C13orf46: variants seen among roughly 807,000 people sequenced by gnomAD.
The protein encoded by C13orf46 is uncharacterized protein C13orf46.
chr13:113,951,710 C>T (rs2052489354), downstream of C13orf46, among the ~76,000 whole-genome samples: 1 of 152,248 alleles, frequency 6.6e-6, no homozygotes, highest in Non-Finnish European at 1.5e-5. Flanking sequence ...TAGTCACTCA[C>T]AGGCGTCGCC....
At chr13:113,931,463 A>G in the C13orf46 span, among the ~76,000 whole-genome samples, 638 of 152,300 alleles carry the variant, frequency 4.2e-3, 10 homozygotes, top group East Asian at 0.049. Flanking sequence ...AGCAGACGCC[A>G]AGTGGAAGGG....
At chr13:113,950,288 G>A (rs1309530524), downstream of C13orf46, among the ~76,000 whole-genome samples, 20 of 127,792 alleles carry the variant, frequency 1.6e-4, no homozygotes, top group Non-Finnish European at 3.2e-4. Flanking sequence ...CCCATCTGTA[G>A]AGTGGGGTCA....
the C13orf46 span, among the ~76,000 whole-genome samples, chr13:113,935,025 C>G: frequency 1.4e-4 from 22 of 152,262 alleles, no homozygotes; most frequent in Admixed American, 1.1e-3. Context: ...TCCATTCCCA[C>G]TGGCTCAAAG....
the C13orf46 span, among the ~76,000 whole-genome samples, chr13:113,937,238 C>T: frequency 1.1e-4 from 17 of 152,118 alleles, no homozygotes; most frequent in Admixed American, 2.0e-4. Flanking sequence ...ATCCCCGGTC[C>T]GAGGCTACAG....
the C13orf46 span, among the ~76,000 whole-genome samples, chr13:113,929,997 T>G: frequency 2.0e-5 from 3 of 152,176 alleles, no homozygotes; most frequent in East Asian, 3.9e-4. Context: ...GTGGACAAAA[T>G]GTTGGGCCAG....
downstream of C13orf46, among the ~76,000 whole-genome samples, chr13:113,952,313 C>T (rs1366125156): frequency 2.9e-5 from 4 of 136,052 alleles, no homozygotes; most frequent in Non-Finnish European, 5.1e-5. Flanking sequence ...GTGTGGCCAC[C>T]CCTCCGCCTG....
chr13:113,966,092 AATGATGGTGATGATGATGATGGTG>A (rs2052642503), intron 5 of C13orf46, among the ~76,000 whole-genome samples: 1 of 95,384 alleles, frequency 1.0e-5, no homozygotes, highest in Admixed American at 1.0e-4. Context: ...TGATGGTATT[AATGATGGTGATGATGATGATGGTG>A]ATGATGGTGA....
At chr13:113,947,166 C>T in the C13orf46 span, among the ~76,000 whole-genome samples, 4 of 152,212 alleles carry the variant, frequency 2.6e-5, no homozygotes, top group Non-Finnish European at 4.4e-5. Context: ...ATCAGAGCTG[C>T]GTGCTTGGAG....
At chr13:113,972,620 C>T (rs914683605) in intron 1 of C13orf46, among the ~76,000 whole-genome samples, 2 of 152,172 alleles carry the variant, frequency 1.3e-5, no homozygotes, top group South Asian at 2.1e-4. Context: ...ACCGTCCGTT[C>T]GGCACACCTG....
chr13:113,940,618 CG>C, the C13orf46 span, among the ~76,000 whole-genome samples: 1 of 10,096 alleles, frequency 9.9e-5, no homozygotes, highest in African/African-American at 5.2e-4. Context: ...GCTGAGCGTT[CG>C]AGATCCTGGT....
chr13:113,933,642 T>C, the C13orf46 span, among the ~76,000 whole-genome samples: 9 of 152,310 alleles, frequency 5.9e-5, no homozygotes, highest in Admixed American at 3.3e-4. Flanking sequence ...TTAGGCCTTT[T>C]TTCATTCCTC....
the C13orf46 span, among the ~76,000 whole-genome samples, chr13:113,934,175 T>G: frequency 2.0e-5 from 3 of 152,194 alleles, no homozygotes; most frequent in Non-Finnish European, 4.4e-5. Context: ...AGAGTCTGTT[T>G]CTCTCCGTTG....
At position 113,955,548 on chromosome 13, in the gene C13orf46, G is replaced by A. The variant is rs1314276923; in HGVS notation, c.*1225C>T. Reference sequence around the variant, plus strand: ...ATCTGGCGGAGACGAGGAGCATCTCGTGGAGAGGAGGAGCATCTCGTGGAG... The same window carrying A: ...ATCTGGCGGAGACGAGGAGCATCTCATGGAGAGGAGGAGCATCTCGTGGAG... On this transcript the variant is annotated 3_prime_UTR_variant, in exon 7 of 7. Coordinates refer to ENST00000636427, the MANE Select transcript of C13orf46 (RefSeq NM_001365455.2). The A allele has an allele frequency of 6.0e-5, 2 of 33,300 alleles. No individual in the cohort carries two copies. Among genetic ancestry groups the A allele is most frequent in the Non-Finnish European group, 9.4e-5 (1 of 10,678 alleles). The allele number at this position is 33,300 out of a possible 1,614,324, so 2.1% of individuals were successfully genotyped here. A position where few individuals can be genotyped will look rare whatever the true frequency, so the allele number is the denominator to read the frequency against.
chr13:113,958,073 G>C (rs1225313970), intron 6 of C13orf46, among the ~76,000 whole-genome samples: 3 of 135,190 alleles, frequency 2.2e-5, no homozygotes, highest in East Asian at 4.7e-4. Flanking sequence ...GGTCTCCCCT[G>C]CACTCTGTAT....
the C13orf46 span, among the ~76,000 whole-genome samples, chr13:113,948,118 G>C: frequency 6.6e-6 from 1 of 152,228 alleles, no homozygotes; most frequent in Non-Finnish European, 1.5e-5. Context: ...AAACCTGCCT[G>C]AGCACACATT....
At chr13:113,946,844 G>A in the C13orf46 span, among the ~76,000 whole-genome samples, 1 of 152,270 alleles carries the variant, frequency 6.6e-6, no homozygotes, top group African/African-American at 2.4e-5. Flanking sequence ...TCACAGTTGG[G>A]GAACAGCAAA....
At chr13:113,943,812 G>T in the C13orf46 span, among the ~76,000 whole-genome samples, 38 of 152,194 alleles carry the variant, frequency 2.5e-4, no homozygotes, top group African/African-American at 8.7e-4. Context: ...GCCAGGGCTG[G>T]TGGGAGCCCT....
At chr13:113,969,280 T>C (rs2138993065) in intron 2 of C13orf46, among the ~76,000 whole-genome samples, 1 of 152,374 alleles carries the variant, frequency 6.6e-6, no homozygotes, top group East Asian at 1.9e-4. Context: ...TCCGCCACCA[T>C]CTGCAATGGC....
rs546255908 is a variant in C13orf46 at position 113,973,834 on chromosome 13, C to T, written c.164G>A (p.Arg55His). The change falls in exon 1 of 7, where the codon CGC (arginine) becomes CAC (histidine). Residue 55 changes from arginine (R) to histidine (H), a missense_variant. Physicochemically the swap from Arg to His is conservative, Grantham distance 29. Transcript: ENST00000636427. ...GLQPEGDPPS[R>H]PRKPHKELES... ...CAGCTCCTTGTGAGGCTTCCTAGGG[C>T]GGCTGGGAGGGTCCCCCTCGGGCTG... 9 of 152,446 alleles carry T rather than the reference C, an allele frequency of 5.9e-5. No homozygotes were observed. Among genetic ancestry groups the T allele is most frequent in the South Asian group, 2.1e-4 (1 of 4,834 alleles). The allele number at this position is 152,446 out of a possible 1,614,324, so 9.4% of individuals were successfully genotyped here.
Sources: gnomAD v4.1 joint callset for allele counts (sites outside exome capture counted in the v4.1 genomes callset) on GRCh38, gnomAD v4.1.1 for gene constraint, MANE v1.5 for transcripts, NCBI Gene and HGNC (gene_info 2026-07-23, HGNC 2026-07-21) for gene names.